LMNB2: variants seen among roughly 807,000 people sequenced by gnomAD.
LMNB2 encodes the protein lamin B2.
In LMNB2, 17 loss-of-function variants were observed where a neutral mutation model predicts 69.3. The ratio of observed to expected loss-of-function variants is 0.25; its 90% CI spans 0.17 to 0.37. The LOEUF (loss-of-function observed/expected upper bound fraction) is 0.37. Ranked by LOEUF, LMNB2 falls within the 10% of genes least tolerant of loss-of-function variation. LMNB2 has a pLI of 1.00. For synonymous variants in LMNB2, 397 were observed against 389.3 expected (o/e 1.02, Z -0.23); for missense variants, 789 against 883.6 (o/e 0.89, Z 1.36).
chr19:2,435,037 G>A lies in LMNB2; in HGVS notation c.819C>T (p.Leu273=), dbSNP rs1971804535. 5 of 1,606,552 alleles carry A rather than the reference G, an allele frequency of 3.1e-6. No individual in the cohort carries two copies. The highest frequency in any genetic ancestry group is 4.2e-6 in the Non-Finnish European group (5 of 1,177,346). The part of the protein sequence containing the change: ...LRSQHDEQVR[L]YKLELEQTYQ... ...AGGTCTGCTCCAGCTCCAGCTTGTAGAGCCGCACTTGCTCGTCGTGCTGGC... is the reference window on the plus strand; with the variant it reads ...AGGTCTGCTCCAGCTCCAGCTTGTAAAGCCGCACTTGCTCGTCGTGCTGGC... Residue 273 remains leucine, a synonymous_variant, in exon 5 of 12, where the codon CTC becomes CTT. Transcript: ENST00000325327.
intron 1 of LMNB2, among the ~76,000 whole-genome samples, chr19:2,451,480 GTGA>G (rs1255301689): frequency 6.6e-6 from 1 of 152,222 alleles, no homozygotes; most frequent in Non-Finnish European, 1.5e-5. Context: ...CTGCCGTGCT[GTGA>G]TGATGAGGAA....
rs543938023 is a variant in LMNB2, at chr19:2,429,471, C to T, written c.*1440G>A. The T allele has an allele frequency of 6.6e-6, 1 of 152,258 alleles. No individual in the cohort carries two copies. Among genetic ancestry groups the T allele is most frequent in the Non-Finnish European group, 1.5e-5 (1 of 68,066 alleles). The allele number at this position is 152,258 out of a possible 1,614,324, so 9.4% of individuals were successfully genotyped here. A position where few individuals can be genotyped will look rare whatever the true frequency, so the allele number is the denominator to read the frequency against. On this transcript the variant is annotated 3_prime_UTR_variant, in exon 12 of 12. Transcript: ENST00000325327. ...CAGCGGGTGTTTCTGCTTTGTCGGC[C>T]GCTGGCTCCTTCCCGGCCTGGGGCT...
At chr19:2,433,557 T>G (rs1971775154) in intron 8 of LMNB2, among the ~76,000 whole-genome samples, 1 of 80,440 alleles carries the variant, frequency 1.2e-5, no homozygotes, top group African/African-American at 6.5e-5. Flanking sequence ...ACCCTGACCC[T>G]GGTCACCCCC....
chr19:2,433,983 T>TCCA lies in LMNB2; in HGVS notation c.1322_1324dup (p.Val441dup). ...GCTTGGGCCGCTGCCCAAGGGCTCCTCCACCTCCAGCCGCTTCCGCTTACT... is the reference window on the plus strand; with the variant it reads ...GCTTGGGCCGCTGCCCAAGGGCTCCTCCACCACCTCCAGCCGCTTCCGCTTACT... On this transcript the variant is annotated inframe_insertion, in exon 8 of 12. Coordinates refer to ENST00000325327, the MANE Select transcript of LMNB2 (RefSeq NM_032737.4). The TCCA allele has an allele frequency of 1.2e-6, 2 of 1,610,336 alleles. No homozygotes were observed. Among genetic ancestry groups the TCCA allele is most frequent in the Non-Finnish European group, 1.7e-6 (2 of 1,179,390 alleles).
intron 8 of LMNB2, among the ~76,000 whole-genome samples, chr19:2,433,463 A>C (rs1599330942): frequency 7.1e-5 from 2 of 28,202 alleles, no homozygotes. Flanking sequence ...GGTCACCCCC[A>C]TCAGCTGGGT....
At position 2,443,402 on chromosome 19, in the gene LMNB2, G is replaced by C. The variant is rs1971918780; in HGVS notation, c.401+1002C>G. On this transcript the variant is annotated intron_variant, in intron 2 of 11. Coordinates refer to ENST00000325327, the MANE Select transcript of LMNB2 (RefSeq NM_032737.4). This position sits in a 1 kb window ranked among gnomAD's most constrained non-coding sequence, Gnocchi z 6.2. ...GGGGCCCCGGCACTGTTGGACACAG[G>C]GTCCCCGGTCATTCCTCTGGCCACA... Among the ~76,000 whole-genome samples, 1 of 152,126 alleles carries C rather than the reference G, an allele frequency of 6.6e-6. No individual in the cohort carries two copies. The highest frequency in any genetic ancestry group is 2.1e-4 in the South Asian group (1 of 4,830).
At chr19:2,446,792 C>A (rs1263914421) in intron 1 of LMNB2, among the ~76,000 whole-genome samples, 1 of 152,164 alleles carries the variant, frequency 6.6e-6, no homozygotes, top group African/African-American at 2.4e-5. Flanking sequence ...CCCGGTAACT[C>A]CACTCCTGGG....
At position 2,431,274 on chromosome 19, in the gene LMNB2, T is replaced by G. The variant is rs4807263; in HGVS notation, c.1821+274A>C. The stretch of plus-strand genomic sequence containing the variant: ...AGGAAGCCGGTTGACCAGAGAGCAT[T>G]TGGGGAGCTGTTCAACACCCACCTC... On this transcript the variant is annotated intron_variant, in intron 11 of 11. Transcript: ENST00000325327. 0.3 allele frequency among the ~76,000 whole-genome samples: 45,326 copies of G among 152,058 alleles called. 6,988 individuals carry two copies. Among genetic ancestry groups the G allele is most frequent in the South Asian group, 0.49 (2,381 of 4,826 alleles).
At chr19:2,439,210 T>C (rs965984216) in intron 2 of LMNB2, among the ~76,000 whole-genome samples, 1 of 151,870 alleles carries the variant, frequency 6.6e-6, no homozygotes, top group African/African-American at 2.4e-5. Flanking sequence ...TAAGCATAAT[T>C]ATAAGTCTTG....
In LMNB2 at chr19:2,443,610, A is replaced by G. The variant is rs1971922048; in HGVS notation, c.401+794T>C. Among the ~76,000 whole-genome samples, 2 of 152,088 alleles carry G rather than the reference A, an allele frequency of 1.3e-5. No homozygotes were observed. The highest frequency in any genetic ancestry group is 1.3e-4 in the Admixed American group (2 of 15,272). ...ACCCCAGCCTGAGGAAATCCGAGGCACCTGCAGGTGCCTGAATGCCGGTGG... is the reference window on the plus strand; with the variant it reads ...ACCCCAGCCTGAGGAAATCCGAGGCGCCTGCAGGTGCCTGAATGCCGGTGG... On this transcript the variant is annotated intron_variant, in intron 2 of 11. Coordinates refer to ENST00000325327, the MANE Select transcript of LMNB2 (RefSeq NM_032737.4). The surrounding 1 kb of genome is among the most constrained non-coding windows in gnomAD (Gnocchi z 6.2).
rs150406745 is a variant in LMNB2 at position 2,447,732 on chromosome 19, C to T, written c.265-3192G>A. 8.5e-4 allele frequency among the ~76,000 whole-genome samples: 129 copies of T among 152,278 alleles called. No individual in the cohort carries two copies. The highest frequency in any genetic ancestry group is 6.8e-3 in the Middle Eastern group (2 of 294). On this transcript the variant is annotated intron_variant, in intron 1 of 11. Coordinates refer to ENST00000325327, the MANE Select transcript of LMNB2 (RefSeq NM_032737.4). This position sits in a 1 kb window ranked among gnomAD's most constrained non-coding sequence, Gnocchi z 4.4. ...GTCGGCCTGCATCTGGAGGGCCACA[C>T]CCCCATGTTACAGGCGAGGCTCCTG...
At chr19:2,456,493 G>A (rs1972091163) in intron 1 of LMNB2, among the ~76,000 whole-genome samples, 177 bp downstream of exon 1, 1 of 148,288 alleles carries the variant, frequency 6.7e-6, no homozygotes, top group Non-Finnish European at 1.5e-5. Flanking sequence ...CGCGGTGGGA[G>A]GGACCTGGCC....
At chr19:2,444,310 G>C (rs563608867) in intron 2 of LMNB2, 94 bp downstream of exon 2, 4 of 1,459,508 alleles carry the variant, frequency 2.7e-6, no homozygotes, top group East Asian at 2.3e-5. Context: ...GCCCGTATCA[G>C]AGCATGCCCC....
intron 11 of LMNB2, among the ~76,000 whole-genome samples, 162 bp from the exon 12 acceptor site, chr19:2,431,114 C>T (rs2145443330): frequency 6.6e-6 from 1 of 151,884 alleles, no homozygotes; most frequent in East Asian, 2.0e-4. Context: ...ATGAGCCCGC[C>T]TGTGAGCTAC....
At chr19:2,454,251 C>T (rs1299836150) in intron 1 of LMNB2, among the ~76,000 whole-genome samples, 2 of 149,666 alleles carry the variant, frequency 1.3e-5, no homozygotes, top group Non-Finnish European at 3.0e-5. Flanking sequence ...TAAGATCGCG[C>T]CACTGCACTC....
At chr19:2,436,337 G>C (rs1013783851) in intron 4 of LMNB2, among the ~76,000 whole-genome samples, 3 of 151,856 alleles carry the variant, frequency 2.0e-5, no homozygotes, top group Non-Finnish European at 4.4e-5. Context: ...CCAGCTACTC[G>C]GGAGGCTGGG....
At position 2,447,087 on chromosome 19, in the gene LMNB2, T is replaced by TG. The variant is rs1971964882; in HGVS notation, c.265-2548dup. ...TGAACCCGGGAGGTGGAACTTGCAG[T>TG]GAGCCGAGATCGCACCACTGCCCTC... On this transcript the variant is annotated intron_variant, in intron 1 of 11. Coordinates refer to ENST00000325327, the MANE Select transcript of LMNB2 (RefSeq NM_032737.4). This position sits in a 1 kb window ranked among gnomAD's most constrained non-coding sequence, Gnocchi z 4.4. Among the ~76,000 whole-genome samples the TG allele has an allele frequency of 7.2e-6, 1 of 139,342 alleles. No individual in the cohort carries two copies. Among genetic ancestry groups the TG allele is most frequent in the East Asian group, 2.0e-4 (1 of 5,096 alleles). 91.4% of individuals were successfully genotyped at this position (139,342 alleles called of 152,430 possible).
chr19:2,437,588 G>A (rs897535951), intron 4 of LMNB2, among the ~76,000 whole-genome samples: 4 of 152,188 alleles, frequency 2.6e-5, no homozygotes, highest in Non-Finnish European at 4.4e-5. Context: ...AGCACCTGAG[G>A]TCAGGAGTTC....
chr19:2,436,006 C>T (rs146625696), intron 4 of LMNB2, among the ~76,000 whole-genome samples: 4,393 of 152,084 alleles, frequency 0.029, 232 homozygotes, highest in African/African-American at 0.1. Context: ...AAAATTAGGC[C>T]GGGCACAGTG....
Sources: allele counts gnomAD v4.1 joint callset (sites outside exome capture counted in the v4.1 genomes callset), GRCh38; gene constraint gnomAD v4.1.1; non-coding constraint Gnocchi (gnomAD v3.1); transcripts MANE v1.5; gene names NCBI Gene and HGNC (gene_info 2026-07-23, HGNC 2026-07-21).